TRIP12: variants seen among roughly 807,000 people sequenced by gnomAD.
TRIP12 encodes the protein thyroid hormone receptor interactor 12.
In TRIP12, 25 loss-of-function variants were observed where a neutral mutation model predicts 244.2. The observed-to-expected ratio is 0.10, with a 90% CI of 0.07 to 0.14. The LOEUF (loss-of-function observed/expected upper bound fraction) is 0.14, where lower values mean the gene tolerates loss of function less well. TRIP12 is among the 10% of genes least tolerant of loss of function. TRIP12 has a pLI of 1.00. For synonymous variants in TRIP12, 905 were observed against 873.1 expected, an observed-to-expected ratio of 1.04 and a Z score of -0.64; for missense variants, 1,677 against 2,486.4, an observed-to-expected ratio of 0.67 and a Z score of 6.92.
At chr2:229,837,521 G>C (rs1296481817) in intron 5 of TRIP12, among the ~76,000 whole-genome samples, 1 of 152,066 alleles carries the variant, frequency 6.6e-6, no homozygotes, top group Non-Finnish European at 1.5e-5. Context: ...TGTAATCCCA[G>C]CTACTTGGGA....
intron 21 of TRIP12, among the ~76,000 whole-genome samples, chr2:229,801,885 G>A (rs1014394772): frequency 1.3e-5 from 2 of 152,060 alleles, no homozygotes; most frequent in Non-Finnish European, 2.9e-5. Flanking sequence ...CTCTGAGGTC[G>A]TATGTATGCA....
chr2:229,777,995 A>G (rs2036834904), intron 36 of TRIP12, among the ~76,000 whole-genome samples: 1 of 152,242 alleles, frequency 6.6e-6, no homozygotes, highest in African/African-American at 2.4e-5. Flanking sequence ...GAAACATTCC[A>G]ACCTCTATGA....
chr2:229,922,666 G>C, upstream of TRIP12: 1 of 1,568,400 alleles, frequency 6.4e-7, no homozygotes, highest in Non-Finnish European at 8.7e-7. Context: ...CCCGGTTGGG[G>C]CCCGGGACGC....
intron 1 of TRIP12, among the ~76,000 whole-genome samples, chr2:229,893,857 G>A (rs911436619): frequency 1.3e-5 from 2 of 152,234 alleles, no homozygotes; most frequent in African/African-American, 4.8e-5. Context: ...GGTGTGTGCC[G>A]CCATGCCTGG....
chr2:229,890,267 A>G (rs1035676519), intron 1 of TRIP12, among the ~76,000 whole-genome samples: 1 of 151,858 alleles, frequency 6.6e-6, no homozygotes, highest in African/African-American at 2.4e-5. Context: ...TTTAGTAGAG[A>G]TGGGGCTTCA....
intron 2 of TRIP12, among the ~76,000 whole-genome samples, chr2:229,861,226 G>A (rs1576230019): frequency 6.6e-6 from 1 of 152,092 alleles, no homozygotes; most frequent in East Asian, 1.9e-4. Context: ...TTGATATGGT[G>A]CATCATATTT....
chr2:229,883,761 T>C (rs886593034), intron 1 of TRIP12, among the ~76,000 whole-genome samples: 2 of 152,184 alleles, frequency 1.3e-5, no homozygotes, highest in Non-Finnish European at 2.9e-5. Context: ...AATCACAGAG[T>C]ATACAACCAA....
At chr2:229,869,875 T>G (rs2062224397) in intron 2 of TRIP12, among the ~76,000 whole-genome samples, 1 of 152,212 alleles carries the variant, frequency 6.6e-6, no homozygotes, top group Non-Finnish European at 1.5e-5. Context: ...CACATACTCT[T>G]TGCTCTTCTC....
intron 34 of TRIP12, among the ~76,000 whole-genome samples, chr2:229,781,611 G>A (rs1004712157): frequency 1.3e-5 from 2 of 152,176 alleles, no homozygotes. Context: ...CCCTAATCCT[G>A]GGGGTTTGGG....
chr2:229,799,915 A>T (rs139997423), intron 21 of TRIP12, among the ~76,000 whole-genome samples: 5 of 152,350 alleles, frequency 3.3e-5, no homozygotes, highest in African/African-American at 1.2e-4. Context: ...AACTATACTG[A>T]ACTATGAAAC....
intron 4 of TRIP12, among the ~76,000 whole-genome samples, chr2:229,848,143 C>T (rs537523692): frequency 3.3e-5 from 5 of 152,164 alleles, no homozygotes; most frequent in African/African-American, 1.2e-4. Flanking sequence ...ATGACCCAAC[C>T]AGATCACTAA....
rs1292640672 is a variant in TRIP12, at chr2:229,766,533, A to G, written c.*1021T>C. 6.6e-6 allele frequency: 1 copy of G among 152,232 alleles called. No individual in the cohort carries two copies. The highest frequency in any genetic ancestry group is 6.5e-5 in the Admixed American group (1 of 15,288). The allele number at this position is 152,232 out of a possible 1,614,324, so 9.4% of individuals were successfully genotyped here. A position where few individuals can be genotyped will look rare whatever the true frequency, so the allele number is the denominator to read the frequency against. ...AGGCTGAACTGTTTTGTCCCAAGTC[A>G]GCACTGGGAGAAGGGGAAGAGGAGC... On this transcript the variant is annotated 3_prime_UTR_variant, in exon 42 of 42. Coordinates refer to ENST00000675903, the MANE Select transcript of TRIP12 (RefSeq NM_001348323.3).
chr2:229,829,935 T>G (rs2052857440), intron 7 of TRIP12, among the ~76,000 whole-genome samples: 1 of 152,006 alleles, frequency 6.6e-6, no homozygotes, highest in South Asian at 2.1e-4. Context: ...GGCAACAGAG[T>G]GAGATTCGGT....
Position 229,771,525 on chromosome 2 carries a change from C to A in TRIP12, c.5802G>T (p.Pro1934=). The A allele has an allele frequency of 6.2e-7, 1 of 1,612,338 alleles. No individual in the cohort carries two copies. The highest frequency in any genetic ancestry group is 8.5e-7 in the Non-Finnish European group (1 of 1,178,536). ...FPLSHLQYFY[P]EELDQLLCGS... is the part of the protein sequence containing the mutation. ...TTAGATATAAGCTACTCACTTCCTC[C>A]GGGTAGAAGTACTGAAGATGACTGA... The change falls in exon 39 of 42, where the codon CCG becomes CCT. Residue 1934 remains proline, a synonymous_variant. Transcript: ENST00000675903.
At chr2:229,850,503 A>G (rs2058453619) in intron 4 of TRIP12, among the ~76,000 whole-genome samples, 1 of 152,202 alleles carries the variant, frequency 6.6e-6, no homozygotes, top group Admixed American at 6.5e-5. Context: ...TCACGCAAGT[A>G]GAGATGATCC....
At chr2:229,911,307 A>C (rs774092554) in intron 1 of TRIP12, among the ~76,000 whole-genome samples, 7 of 152,252 alleles carry the variant, frequency 4.6e-5, no homozygotes, top group Non-Finnish European at 1.0e-4. Flanking sequence ...GCAATTAGGA[A>C]AGTCTGTAAG....
At chr2:229,822,212 T>C (rs1310756546) in intron 8 of TRIP12, among the ~76,000 whole-genome samples, 1 of 151,932 alleles carries the variant, frequency 6.6e-6, no homozygotes, top group Non-Finnish European at 1.5e-5. Context: ...TAGAAGAAAA[T>C]CTTCTGCAGT....
At chr2:229,885,744 G>A (rs2065883985) in intron 1 of TRIP12, among the ~76,000 whole-genome samples, 1 of 152,162 alleles carries the variant, frequency 6.6e-6, no homozygotes, top group South Asian at 2.1e-4. Flanking sequence ...GAGAGGTGCT[G>A]AGATTGAGAG....
chr2:229,922,695 A>G, upstream of TRIP12: 5 of 1,402,016 alleles, frequency 3.6e-6, no homozygotes, highest in South Asian at 6.1e-5. Context: ...CTAGGCCAAG[A>G]GCAACCGTAG....
Sources: gnomAD v4.1 joint callset for allele counts (sites outside exome capture counted in the v4.1 genomes callset) on GRCh38, gnomAD v4.1.1 for gene constraint, MANE v1.5 for transcripts, NCBI Gene and HGNC (gene_info 2026-07-23, HGNC 2026-07-21) for gene names.